Variants in PVT1 observed in about 807,000 individuals in gnomAD.
PVT1 encodes the protein Pvt1 oncogene.
intron 4 of PVT1, among the ~76,000 whole-genome samples, chr8:128,031,486 A>G (rs1813387606): frequency 2.0e-5 from 3 of 152,166 alleles, no homozygotes; most frequent in Admixed American, 2.0e-4. Flanking sequence ...GGCCCCTGGT[A>G]TTGCGTACAA....
chr8:127,917,960 GGCA>G (rs10570210), intron 3 of PVT1, among the ~76,000 whole-genome samples: 4,341 of 152,348 alleles, frequency 0.028, 210 homozygotes, highest in African/African-American at 0.098. Context: ...TTACGGACAA[GGCA>G]GCATTTCTAA....
chr8:128,030,049 G>C (rs1048607792), intron 4 of PVT1, among the ~76,000 whole-genome samples: 9 of 152,156 alleles, frequency 5.9e-5, no homozygotes, highest in African/African-American at 2.2e-4. Context: ...GGAGTTAGAG[G>C]CTGCGGTGAG....
intron 2 of PVT1, among the ~76,000 whole-genome samples, chr8:127,850,957 A>G (rs1483143925): frequency 6.6e-6 from 1 of 152,130 alleles, no homozygotes; most frequent in African/African-American, 2.4e-5. Flanking sequence ...CAATGAGCCA[A>G]GATCGTGCCA....
chr8:127,923,677 C>T (rs187455317), intron 3 of PVT1, among the ~76,000 whole-genome samples: 4 of 152,288 alleles, frequency 2.6e-5, no homozygotes, highest in East Asian at 3.9e-4. Flanking sequence ...TTGGTGAAAA[C>T]GGCTATTTTG....
rs373140498 is a variant in PVT1, at chr8:127,915,384, C to T, written n.782+24386C>T. 1.7e-4 allele frequency among the ~76,000 whole-genome samples: 26 copies of T among 151,376 alleles called. 1 individual carries two copies. Among genetic ancestry groups the T allele is most frequent in the African/African-American group, 4.8e-4 (20 of 41,324 alleles). ...CAGCACTTTGGGAGGCCGAGGCGGGCGGCAGATCACCTGAAGTCGGGAGTT... is the reference window on the plus strand; with the variant it reads ...CAGCACTTTGGGAGGCCGAGGCGGGTGGCAGATCACCTGAAGTCGGGAGTT... On this transcript the variant is annotated intron_variant and non_coding_transcript_variant, in intron 3 of 10. Coordinates refer to ENST00000651587, the Ensembl canonical transcript of PVT1.
chr8:127,977,131 T>TA (rs1304836540), intron 3 of PVT1, among the ~76,000 whole-genome samples: 1 of 152,236 alleles, frequency 6.6e-6, no homozygotes, highest in Non-Finnish European at 1.5e-5. Flanking sequence ...CCTCATCACT[T>TA]ACTCTTGTTT....
At chr8:127,911,663 G>A (rs907326609) in intron 3 of PVT1, among the ~76,000 whole-genome samples, 3 of 152,228 alleles carry the variant, frequency 2.0e-5, no homozygotes, top group Admixed American at 6.5e-5. Context: ...AGGGAAGGTC[G>A]GGAACTTGTC....
chr8:127,880,211 C>T (rs1815449547), intron 2 of PVT1, among the ~76,000 whole-genome samples: 2 of 152,192 alleles, frequency 1.3e-5, no homozygotes, highest in Admixed American at 6.5e-5. Flanking sequence ...GATATGATTT[C>T]TGGCTTCTAG....
intron 2 of PVT1, among the ~76,000 whole-genome samples, chr8:127,865,078 G>A (rs1755145856): frequency 6.6e-6 from 1 of 152,188 alleles, no homozygotes; most frequent in African/African-American, 2.4e-5. Context: ...CTCATTCTTA[G>A]AGCTGTGTGG....
rs544788197 is a variant in PVT1, at chr8:127,949,919, G to T, written n.783-39243G>T. Among the ~76,000 whole-genome samples the T allele has an allele frequency of 3.0e-4, 45 of 152,358 alleles. 1 individual carries two copies. Among genetic ancestry groups the T allele is most frequent in the Admixed American group, 7.2e-4 (11 of 15,302 alleles). Reference sequence around the variant, plus strand: ...CTGCCCAGCGGCTGGATTCTGACTCGCTGTGCCTTAGTCACAGGCCAGAGA... The same window carrying T: ...CTGCCCAGCGGCTGGATTCTGACTCTCTGTGCCTTAGTCACAGGCCAGAGA... On this transcript the variant is annotated intron_variant and non_coding_transcript_variant, in intron 3 of 10. Transcript: ENST00000651587.
In PVT1 at chr8:127,826,628, C is replaced by T. The variant is rs1310044030; in HGVS notation, n.372+30557C>T. 2.0e-5 allele frequency among the ~76,000 whole-genome samples: 3 copies of T among 152,196 alleles called. No individual in the cohort carries two copies. In the East Asian group the frequency reaches 5.8e-4, roughly 29 times the overall value. ...ACACACACAGACTTACATATACACA[C>T]AAGCATATTTGCATAGGCTGGATTT... On this transcript the variant is annotated intron_variant and non_coding_transcript_variant, in intron 2 of 10. Coordinates refer to ENST00000651587, the Ensembl canonical transcript of PVT1.
chr8:127,805,869 C>G (rs1814521225), intron 2 of PVT1, among the ~76,000 whole-genome samples: 1 of 151,960 alleles, frequency 6.6e-6, no homozygotes, highest in Admixed American at 6.6e-5. Context: ...TCTGAGGAAT[C>G]AGGATTTGAG....
At chr8:127,889,040 CT>C (rs1563631175) in intron 2 of PVT1, among the ~76,000 whole-genome samples, 1 of 50,212 alleles carries the variant, frequency 2.0e-5, no homozygotes. Context: ...CTCTTTCTTT[CT>C]TCCTTCCTTC....
chr8:127,880,090 G>A (rs73357034), intron 2 of PVT1, among the ~76,000 whole-genome samples: 1,736 of 151,846 alleles, frequency 0.011, 38 homozygotes, highest in African/African-American at 0.04. Flanking sequence ...CAGCCCGCCA[G>A]GGCAACCTGG....
intron 2 of PVT1, among the ~76,000 whole-genome samples, chr8:127,819,934 T>C (rs964936501): frequency 6.6e-6 from 1 of 152,228 alleles, no homozygotes; most frequent in African/African-American, 2.4e-5. Flanking sequence ...ATCTGGCAGC[T>C]TCAAGGATCA....
chr8:128,022,497 C>T (rs1817449530), intron 4 of PVT1, among the ~76,000 whole-genome samples: 2 of 152,150 alleles, frequency 1.3e-5, no homozygotes, highest in African/African-American at 4.8e-5. Flanking sequence ...AAGGCATTTC[C>T]CTGCGCTCAC....
chr8:127,925,009 G>A (rs954066936), intron 3 of PVT1, among the ~76,000 whole-genome samples: 3 of 152,144 alleles, frequency 2.0e-5, no homozygotes, highest in African/African-American at 7.2e-5. Flanking sequence ...CAATTTGAGA[G>A]CATTTTGATC....
chr8:127,933,490 C>T (rs530475437), intron 3 of PVT1, among the ~76,000 whole-genome samples: 1 of 152,120 alleles, frequency 6.6e-6, no homozygotes, highest in Non-Finnish European at 1.5e-5. Context: ...CACAAACCTG[C>T]GGGTATAGGT....
At chr8:127,962,009 C>G (rs992272058) in intron 3 of PVT1, among the ~76,000 whole-genome samples, 1 of 152,224 alleles carries the variant, frequency 6.6e-6, no homozygotes, top group East Asian at 1.9e-4. Flanking sequence ...GAGTCTCGCT[C>G]TGTCGCCTAG....
Sources: allele counts gnomAD v4.1 joint callset (sites outside exome capture counted in the v4.1 genomes callset), GRCh38; gene constraint gnomAD v4.1.1; transcripts MANE v1.5; gene names NCBI Gene and HGNC (gene_info 2026-07-23, HGNC 2026-07-21).